The following WDR27 variants were observed in gnomAD, a reference collection of about 807,000 sequenced individuals.
WDR27 encodes WD repeat-containing protein 27.
A neutral mutation model predicts 114.4 loss-of-function variants in WDR27; 100 were observed. The ratio of observed to expected loss-of-function variants is 0.87; its 90% confidence interval spans 0.74 to 1.03. The LOEUF is 1.03. Ranked by LOEUF, WDR27 falls within the 50% of genes least tolerant of loss-of-function variation. WDR27 has a pLI of 0.00. For missense variants in WDR27, 1,129 were observed against 1,092.9 expected, an observed-to-expected ratio of 1.03 and a Z score of -0.47; for synonymous variants, 449 against 423.1, an observed-to-expected ratio of 1.06 and a Z score of -0.75.
At chr6:169,450,417 A>G in the WDR27 span, among the ~76,000 whole-genome samples, 1 of 152,222 alleles carries the variant, frequency 6.6e-6, no homozygotes, top group Non-Finnish European at 1.5e-5. Context: ...GAATGAGTAA[A>G]TGAACGGAAT....
At chr6:169,440,760 C>A in the WDR27 span, among the ~76,000 whole-genome samples, 3 of 152,084 alleles carry the variant, frequency 2.0e-5, no homozygotes, top group African/African-American at 7.2e-5. Flanking sequence ...TTTGGCAATA[C>A]CCCCAAGACA....
At chr6:169,536,197 T>C (rs981579902) in intron 25 of WDR27, among the ~76,000 whole-genome samples, 3 of 152,196 alleles carry the variant, frequency 2.0e-5, no homozygotes, top group Non-Finnish European at 4.4e-5. Context: ...GAGGACTTTT[T>C]CCTTTTAAGA....
At chr6:169,486,813 C>T (rs576904203) in intron 25 of WDR27, among the ~76,000 whole-genome samples, 2 of 152,302 alleles carry the variant, frequency 1.3e-5, no homozygotes, top group South Asian at 4.1e-4. Context: ...TTAAAGCTGT[C>T]CTTTTCCTCG....
At chr6:169,600,254 C>T (rs982222672) in intron 23 of WDR27, among the ~76,000 whole-genome samples, 8 of 152,202 alleles carry the variant, frequency 5.3e-5, no homozygotes, top group Non-Finnish European at 8.8e-5. Flanking sequence ...GCTGAGGGTC[C>T]TGACTGTTAG....
At chr6:169,666,671 T>C (rs1448240763) in intron 6 of WDR27, 3 of 986,052 alleles carry the variant, frequency 3.0e-6, no homozygotes, top group Non-Finnish European at 3.6e-6. Flanking sequence ...CAGAAAGCCA[T>C]CTGAGGGAAG....
At chr6:169,623,026 T>A (rs1813749167) in intron 21 of WDR27, among the ~76,000 whole-genome samples, 1 of 152,184 alleles carries the variant, frequency 6.6e-6, no homozygotes, top group Non-Finnish European at 1.5e-5. Context: ...GTAATGTAGC[T>A]GGAGGCTACA....
In WDR27 at chr6:169,538,468, T is replaced by C. The variant is rs1469638244; in HGVS notation, c.2645+33951A>G. Among the ~76,000 whole-genome samples the C allele has an allele frequency of 2.0e-5, 3 of 152,314 alleles. No homozygotes were observed. In the East Asian group the frequency reaches 5.8e-4, roughly 29 times the overall value. On this transcript the variant is annotated intron_variant, in intron 25 of 25. Coordinates refer to ENST00000448612, the MANE Select transcript of WDR27 (RefSeq NM_182552.5). Reference sequence around the variant, plus strand: ...GGTTGGACTCCTCCCATAAGGTCACTCTTAAGAACGGATATCCCACCTTTC... The same window carrying C: ...GGTTGGACTCCTCCCATAAGGTCACCCTTAAGAACGGATATCCCACCTTTC...
intron 25 of WDR27, among the ~76,000 whole-genome samples, chr6:169,492,272 G>A (rs145495149): frequency 1.1e-3 from 159 of 149,808 alleles, no homozygotes; most frequent in Middle Eastern, 3.5e-3. Flanking sequence ...CACATTTGAA[G>A]AAGTAACTCA....
intron 25 of WDR27, among the ~76,000 whole-genome samples, chr6:169,506,842 A>C (rs531988438): frequency 6.2e-4 from 94 of 152,344 alleles, no homozygotes; most frequent in African/African-American, 2.1e-3. Flanking sequence ...GACAACTTCC[A>C]TATGTGTTCT....
At chr6:169,651,178 C>CGGGG (rs200606067) in intron 14 of WDR27, among the ~76,000 whole-genome samples, 18 of 3,388 alleles carry the variant, frequency 5.3e-3, no homozygotes, top group African/African-American at 0.023. Flanking sequence ...CACAGCAGTG[C>CGGGG]GGGGCGGGGG....
At chr6:169,440,097 T>G in the WDR27 span, among the ~76,000 whole-genome samples, 2 of 152,156 alleles carry the variant, frequency 1.3e-5, no homozygotes, top group Non-Finnish European at 2.9e-5. Context: ...TCATTATGCT[T>G]GCTATACTAA....
chr6:169,487,049 G>A (rs914421361), intron 25 of WDR27, among the ~76,000 whole-genome samples: 14 of 152,154 alleles, frequency 9.2e-5, no homozygotes, highest in Non-Finnish European at 1.3e-4. Flanking sequence ...GGGTCCAGCA[G>A]CCTGGATTTG....
chr6:169,568,724 C>T (rs887856944), intron 25 of WDR27, among the ~76,000 whole-genome samples: 7 of 152,188 alleles, frequency 4.6e-5, no homozygotes, highest in African/African-American at 1.7e-4. Context: ...GATTGATGAC[C>T]TCACAGTCTC....
intron 2 of WDR27, among the ~76,000 whole-genome samples, chr6:169,682,897 T>G (rs1781897039): frequency 6.6e-6 from 1 of 151,946 alleles, no homozygotes; most frequent in African/African-American, 2.4e-5. Context: ...AATCAAAAAT[T>G]TTGGAGCTAA....
chr6:169,433,918 C>T, the WDR27 span, among the ~76,000 whole-genome samples: 1 of 152,204 alleles, frequency 6.6e-6, no homozygotes, highest in Non-Finnish European at 1.5e-5. Context: ...CATATCCTTC[C>T]CCCACTTTTG....
chr6:169,638,796 TCTC>T (rs1372861023), intron 17 of WDR27, 136 bp from the exon 18 acceptor site: 1 of 1,054,356 alleles, frequency 9.5e-7, no homozygotes, highest in East Asian at 2.7e-5. Context: ...CCAGGAGGCT[TCTC>T]CTCGCCACAG....
chr6:169,667,943 C>T lies in WDR27; in HGVS notation c.660+39G>A, dbSNP rs767323204. On this transcript the variant is annotated intron_variant, in intron 5 of 25. Coordinates refer to ENST00000448612, the MANE Select transcript of WDR27 (RefSeq NM_182552.5). ...CGTCACCACAGTTCTTTCCACAGCA[C>T]GTGCCACGCGGGAACGCCATCCAGC... The T allele has an allele frequency of 4.1e-5, 64 of 1,565,318 alleles. No homozygotes were observed. In the East Asian group the frequency reaches 1.3e-3, roughly 33 times the overall value.
the WDR27 span, among the ~76,000 whole-genome samples, chr6:169,427,630 T>G: frequency 1.3e-5 from 2 of 152,148 alleles, no homozygotes; most frequent in Non-Finnish European, 2.9e-5. Flanking sequence ...GAGTTTCTGC[T>G]GCTTCTTCTG....
chr6:169,471,810 T>C (rs760242077), intron 25 of WDR27, among the ~76,000 whole-genome samples: 2 of 152,174 alleles, frequency 1.3e-5, no homozygotes, highest in African/African-American at 2.4e-5. Flanking sequence ...AACAGAAATG[T>C]ATTGCTCAGC....
Sources: gnomAD v4.1 joint callset for allele counts (sites outside exome capture counted in the v4.1 genomes callset) on GRCh38, gnomAD v4.1.1 for gene constraint, MANE v1.5 for transcripts, NCBI Gene and HGNC (gene_info 2026-07-23, HGNC 2026-07-21) for gene names.